Variants in WWP2 observed in about 807,000 individuals in gnomAD.
WWP2 encodes the protein WW domain containing E3 ubiquitin protein ligase 2, also known as NEDD4-like E3 ubiquitin-protein ligase WWP2.
WWP2 carries 57 observed loss-of-function variants against 121.0 expected under a neutral mutation model. The observed-to-expected ratio is 0.47, with a 90% CI of 0.38 to 0.59. The LOEUF (loss-of-function observed/expected upper bound fraction) is 0.59. Among genes scored for constraint, WWP2 ranks in the 20% least tolerant of loss-of-function variants. WWP2 has a pLI of 0.00. For missense variants in WWP2, 962 were observed against 1,158.9 expected (o/e 0.83, Z 2.47); for synonymous variants, 449 against 441.3 (o/e 1.02, Z -0.22).
Position 69,939,992 on chromosome 16 carries a change from C to T in WWP2, c.*52C>T, listed in dbSNP as rs747312873. On this transcript the variant is annotated 3_prime_UTR_variant, in exon 24 of 24. Transcript: ENST00000359154. Reference sequence around the variant, plus strand: ...AGCGCACATGTAGTCCTGAGTCCTCCCTGCCTGAGAGGCCACTGGCCCCGC... The same window carrying T: ...AGCGCACATGTAGTCCTGAGTCCTCTCTGCCTGAGAGGCCACTGGCCCCGC... 6.7e-7 allele frequency: 1 copy of T among 1,496,278 alleles called. No homozygotes were observed. Among genetic ancestry groups the T allele is most frequent in the Admixed American group, 1.9e-5 (1 of 52,890 alleles). The allele number at this position is 1,496,278 out of a possible 1,614,324, so 92.7% of individuals were successfully genotyped here.
At chr16:69,777,292 A>T (rs2055555035) in intron 1 of WWP2, among the ~76,000 whole-genome samples, 2 of 151,522 alleles carry the variant, frequency 1.3e-5, no homozygotes, top group Non-Finnish European at 1.5e-5. Flanking sequence ...TTTGTGTGTG[A>T]TATACTTTTA....
chr16:69,812,455 G>A (rs1185517349), intron 4 of WWP2, among the ~76,000 whole-genome samples: 4 of 147,790 alleles, frequency 2.7e-5, no homozygotes, highest in Non-Finnish European at 4.5e-5. Context: ...ATGAGACACC[G>A]CGCCTGCCCC....
intron 4 of WWP2, among the ~76,000 whole-genome samples, chr16:69,814,556 G>A (rs898168755): frequency 3.3e-5 from 5 of 152,130 alleles, no homozygotes; most frequent in South Asian, 2.1e-4. Context: ...GAAAAGCTCC[G>A]TACTTTATGC....
intron 4 of WWP2, among the ~76,000 whole-genome samples, chr16:69,831,597 G>T (rs1479316003): frequency 6.6e-6 from 1 of 151,780 alleles, no homozygotes; most frequent in African/African-American, 2.4e-5. Flanking sequence ...ACTCATCCTT[G>T]CTGCACGTAC....
chr16:69,786,901 G>T, intron 1 of WWP2, 95 bp from the exon 2 acceptor site: 1 of 1,098,804 alleles, frequency 9.1e-7, no homozygotes. Flanking sequence ...CTATTTTCTT[G>T]CCTGTTTCTT....
chr16:69,931,700 C>T (rs1234700323), intron 15 of WWP2, 102 bp from the exon 16 acceptor site: 1 of 1,565,640 alleles, frequency 6.4e-7, no homozygotes, highest in East Asian at 2.2e-5. Context: ...GTCTTGGTGA[C>T]TGTGTCTGCT....
intron 1 of WWP2, among the ~76,000 whole-genome samples, chr16:69,764,735 G>A (rs2038692082): frequency 6.6e-6 from 1 of 152,132 alleles, no homozygotes; most frequent in South Asian, 2.1e-4. Flanking sequence ...AGCCACATGG[G>A]GCTGCTGAGC....
At chr16:69,906,458 G>A (rs11075747) in intron 8 of WWP2, among the ~76,000 whole-genome samples, 71,802 of 151,816 alleles carry the variant, frequency 0.47, 17,824 homozygotes, top group African/African-American at 0.62. Context: ...AGAAGTGGCA[G>A]TGAGTACAGG....
At chr16:69,826,953 AAGGG>A (rs1264263238) in intron 4 of WWP2, among the ~76,000 whole-genome samples, 2 of 123,818 alleles carry the variant, frequency 1.6e-5, no homozygotes, top group African/African-American at 5.9e-5. Flanking sequence ...AAAAAAAAAA[AAGGG>A]GGGGGGGCGG....
intron 8 of WWP2, among the ~76,000 whole-genome samples, chr16:69,896,182 C>T (rs114471189): frequency 0.017 from 2,616 of 152,212 alleles, 79 homozygotes; most frequent in African/African-American, 0.059. Flanking sequence ...AGTATAGTGG[C>T]GTGATCATAG....
Position 69,935,987 on chromosome 16 carries a change from G to A in WWP2, c.1976+1G>A. The A allele has an allele frequency of 6.2e-7, 1 of 1,613,856 alleles. No individual in the cohort carries two copies. The highest frequency in any genetic ancestry group is 8.5e-7 in the Non-Finnish European group (1 of 1,179,846). On this transcript the variant is annotated splice_donor_variant, in intron 18 of 23. Transcript: ENST00000359154. LOFTEE classifies it high-confidence loss of function. This position sits in a 1 kb window ranked among gnomAD's most constrained non-coding sequence, Gnocchi z 5.2. ...TCTACAACTCCATTGTCTGGATCAAGTGAGTTCCCTGCCCCCTTGCCCCAC... is the reference window on the plus strand; with the variant it reads ...TCTACAACTCCATTGTCTGGATCAAATGAGTTCCCTGCCCCCTTGCCCCAC...
intron 10 of WWP2, among the ~76,000 whole-genome samples, chr16:69,921,373 C>T (rs904821460): frequency 3.3e-5 from 5 of 152,236 alleles, no homozygotes; most frequent in Admixed American, 3.3e-4. Flanking sequence ...GGCCTCCCCT[C>T]CTCCTCTTGC....
chr16:69,904,591 A>G (rs2058258441), intron 8 of WWP2, among the ~76,000 whole-genome samples: 1 of 151,986 alleles, frequency 6.6e-6, no homozygotes, highest in African/African-American at 2.4e-5. Context: ...AGCTGGCCTC[A>G]AACTCCTGGT....
chr16:69,826,959 G>C (rs868387847), intron 4 of WWP2, among the ~76,000 whole-genome samples: 2 of 131,162 alleles, frequency 1.5e-5, no homozygotes, highest in African/African-American at 5.5e-5. Context: ...AAAAAAGGGG[G>C]GGGGGCGGAG....
At chr16:69,816,452 T>C (rs1656867201) in intron 4 of WWP2, among the ~76,000 whole-genome samples, 2 of 148,024 alleles carry the variant, frequency 1.4e-5, no homozygotes, top group African/African-American at 4.9e-5. Flanking sequence ...ACTATATCTA[T>C]ATAATATATA....
chr16:69,851,786 C>T (rs2057218996), intron 6 of WWP2, among the ~76,000 whole-genome samples: 1 of 151,968 alleles, frequency 6.6e-6, no homozygotes, highest in Admixed American at 6.6e-5. Flanking sequence ...CCAGACCATC[C>T]TGGCCAACAT....
chr16:69,871,667 T>G (rs995563093), intron 6 of WWP2, 137 bp from the exon 7 acceptor site: 2 of 1,304,038 alleles, frequency 1.5e-6, no homozygotes, highest in Non-Finnish European at 2.1e-6. Context: ...TTCTGTTTAG[T>G]CCAAAACTAG....
intron 8 of WWP2, among the ~76,000 whole-genome samples, chr16:69,904,495 AGTAG>A (rs1199144208): frequency 1.3e-5 from 2 of 151,432 alleles, no homozygotes; most frequent in African/African-American, 4.9e-5. Flanking sequence ...CAGTCTCCTG[AGTAG>A]GTACGATTAC....
At position 69,925,099 on chromosome 16, in the gene WWP2, G is replaced by A. The variant is rs1049935612; in HGVS notation, c.1180-331G>A. On this transcript the variant is annotated intron_variant, in intron 10 of 23. Transcript: ENST00000359154. This position sits in a 1 kb window ranked among gnomAD's most constrained non-coding sequence, Gnocchi z 4.0. ...AGGCACTGGGCCGAGCCTGCTTCCCGGGCCTTCCTACCATGCCAGGGCTGC... is the reference window on the plus strand; with the variant it reads ...AGGCACTGGGCCGAGCCTGCTTCCCAGGCCTTCCTACCATGCCAGGGCTGC... The A allele has an allele frequency of 1.4e-5, 15 of 1,072,622 alleles. No individual in the cohort carries two copies. Among genetic ancestry groups the A allele is most frequent in the African/African-American group, 3.3e-5 (2 of 60,264 alleles). 66.4% of individuals were successfully genotyped at this position (1,072,622 alleles called of 1,614,324 possible). A position where few individuals can be genotyped will look rare whatever the true frequency, so the allele number is the denominator to read the frequency against.
Sources: gnomAD v4.1 joint callset for allele counts (sites outside exome capture counted in the v4.1 genomes callset) on GRCh38, gnomAD v4.1.1 for gene constraint, Gnocchi (gnomAD v3.1) non-coding constraint, MANE v1.5 for transcripts, NCBI Gene and HGNC (gene_info 2026-07-23, HGNC 2026-07-21) for gene names.